The following MYH11 variants were observed in gnomAD, a reference collection of about 807,000 sequenced individuals.
MYH11 encodes the protein myosin-11.
A neutral mutation model predicts 246.6 loss-of-function variants in MYH11; 80 were observed. That is an observed-to-expected ratio of 0.32 (90% CI 0.27 to 0.39). The LOEUF (loss-of-function observed/expected upper bound fraction) is 0.39, where lower values mean the gene tolerates loss of function less well. Ranked by LOEUF, MYH11 falls within the 10% of genes least tolerant of loss-of-function variation. The pLI is 1.00. For synonymous variants in MYH11, 1,071 were observed against 1,015.5 expected, an observed-to-expected ratio of 1.05 and a Z score of -1.04; for missense variants, 2,158 against 2,546.8, an observed-to-expected ratio of 0.85 and a Z score of 3.29.
chr16:15,708,041 C>G (rs971326148), intron 40 of MYH11, among the ~76,000 whole-genome samples: 2 of 151,590 alleles, frequency 1.3e-5, no homozygotes, highest in African/African-American at 4.9e-5. Context: ...TGTGTGCATC[C>G]TTGAGTCTTG....
At chr16:15,832,247 CA>C (rs1467452659) in intron 2 of MYH11, among the ~76,000 whole-genome samples, 1 of 152,112 alleles carries the variant, frequency 6.6e-6, no homozygotes, top group Non-Finnish European at 1.5e-5. Context: ...GTTCATGGTT[CA>C]GGGACTTGGG....
At chr16:15,765,281 A>G (rs1272029905) in intron 9 of MYH11, among the ~76,000 whole-genome samples, 1 of 152,084 alleles carries the variant, frequency 6.6e-6, no homozygotes, top group Admixed American at 6.5e-5. Flanking sequence ...TAGAGGATGG[A>G]TTGATGGATG....
At chr16:15,829,432 GC>G (rs1207626530) in intron 2 of MYH11, among the ~76,000 whole-genome samples, 1 of 152,178 alleles carries the variant, frequency 6.6e-6, no homozygotes, top group African/African-American at 2.4e-5. Context: ...TAAGACTGGT[GC>G]AGGCAGCCGC....
At chr16:15,720,743 AAAG>A in intron 33 of MYH11, 93 bp downstream of exon 33, 2 of 1,296,558 alleles carry the variant, frequency 1.5e-6, no homozygotes, top group Non-Finnish European at 2.1e-6. Context: ...AAAAAAAAAT[AAAG>A]AAAACGAAGT....
At position 15,748,129 on chromosome 16, in the gene MYH11, G is replaced by A. The variant is rs886038932; in HGVS notation, c.2098C>T (p.Arg700Trp). 29 of 1,613,892 alleles carry A rather than the reference G, an allele frequency of 1.8e-5. No homozygotes were observed. The highest frequency in any genetic ancestry group is 2.3e-5 in the Non-Finnish European group (27 of 1,180,020). The change falls in exon 17 of 41, where the codon CGG becomes TGG. Residue 700 changes from arginine to tryptophan, a missense_variant. This residue lies in a region of MYH11 where 317 missense variants were observed against 507.7 expected (regional missense o/e 0.62). Coordinates refer to ENST00000300036, the MANE Select transcript of MYH11 (RefSeq NM_002474.3). ...LDAFLVLEQL[R>W]CNGVLEGIRI... The stretch of plus-strand genomic sequence containing the variant: ...ATGCCTTCCAGCACCCCATTGCACC[G>A]CAGCTGCTCCAGCACCAGGAACGCA...
intron 16 of MYH11, among the ~76,000 whole-genome samples, chr16:15,748,510 C>G (rs531566236): frequency 1.0e-3 from 157 of 152,316 alleles, no homozygotes; most frequent in African/African-American, 3.6e-3. Context: ...CCAACCCCCC[C>G]ACTTCTCTTC....
rs753685135 is a variant in MYH11, at chr16:15,720,993, G to A, written c.4637C>T (p.Thr1546Met). Residue 1546 changes from threonine to methionine, a missense_variant, in exon 33 of 41, where the codon ACG (threonine) becomes ATG (methionine). By Grantham distance (81) the Thr-to-Met change is moderately conservative (BLOSUM62 -1). Around this residue, in one of 11 missense-constraint regions of MYH11, gnomAD observed 1,013 missense variants for 993.5 expected, o/e 1.02. Transcript: ENST00000300036. ...CTCGTCCTCCAGCTCTTCCAGCTGC[G>A]TCTTCATCTCCTCCATCTGGGTCTC... ...ALETQMEEMKTQLEELEDELQ... is the reference protein window; with the variant it reads ...ALETQMEEMKMQLEELEDELQ... 3.3e-5 allele frequency: 54 copies of A among 1,613,886 alleles called. 1 individual carries two copies. Among genetic ancestry groups the A allele is most frequent in the African/African-American group, 2.4e-4 (18 of 74,858 alleles).
intron 4 of MYH11, chr16:15,791,015 G>A (rs1350086230): frequency 7.3e-6 from 1 of 137,600 alleles, no homozygotes; most frequent in Non-Finnish European, 1.5e-5. Flanking sequence ...GGAGTGCAGT[G>A]TGTGATGGCG....
chr16:15,762,268 C>T (rs367785320), intron 10 of MYH11, among the ~76,000 whole-genome samples: 2 of 152,220 alleles, frequency 1.3e-5, no homozygotes, highest in East Asian at 1.9e-4. Flanking sequence ...AGCCACCACG[C>T]CTAGCCTCTT....
chr16:15,848,706 C>T (rs1373269655), intron 1 of MYH11, among the ~76,000 whole-genome samples: 3 of 152,166 alleles, frequency 2.0e-5, no homozygotes, highest in Non-Finnish European at 2.9e-5. Flanking sequence ...CTAGATGTCC[C>T]CTGGGGTGGC....
At chr16:15,718,495 C>T in intron 36 of MYH11, 57 bp from the exon 37 acceptor site, 1 of 1,534,710 alleles carries the variant, frequency 6.5e-7, no homozygotes, top group South Asian at 1.2e-5. Flanking sequence ...TAAAAGATGC[C>T]CCCTCCTTGG....
chr16:15,708,656 C>T, intron 40 of MYH11: 1 of 845,368 alleles, frequency 1.2e-6, no homozygotes, highest in Non-Finnish European at 2.0e-6. Flanking sequence ...GAAAGCTTTG[C>T]ACAAAGATAT....
rs1567184605 is a variant in MYH11, at chr16:15,800,645, G to GGATGGA, written c.503-1959_503-1958insTCCATC. Among the ~76,000 whole-genome samples, 3 of 146,512 alleles carry GGATGGA rather than the reference G, an allele frequency of 2.0e-5. No individual in the cohort carries two copies. In the East Asian group the frequency reaches 6.2e-4, roughly 30 times the overall value. ...GATGGATGGATGGATGGATGGATGGGAATATGAATGGGAGGATGGATGGGA... is the reference window on the plus strand; with the variant it reads ...GATGGATGGATGGATGGATGGATGGGGATGGAAATATGAATGGGAGGATGGATGGGA... On this transcript the variant is annotated intron_variant, in intron 3 of 40. Transcript: ENST00000300036.
At chr16:15,745,966 G>T (rs1051825829) in intron 19 of MYH11, among the ~76,000 whole-genome samples, 4 of 152,088 alleles carry the variant, frequency 2.6e-5, no homozygotes, top group Non-Finnish European at 5.9e-5. Flanking sequence ...GCCCAGGCTG[G>T]AGTGCAGTGG....
intron 8 of MYH11, chr16:15,775,795 T>C (rs936892670): frequency 2.0e-6 from 1 of 490,814 alleles, no homozygotes; most frequent in Non-Finnish European, 3.7e-6. Flanking sequence ...TAGTTGGACT[T>C]GATGCTCTCT....
chr16:15,752,393 C>T (rs532125785), intron 15 of MYH11, among the ~76,000 whole-genome samples: 1 of 151,990 alleles, frequency 6.6e-6, no homozygotes, highest in South Asian at 2.1e-4. Flanking sequence ...ACAGCAAACC[C>T]CCTCCCCTCA....
chr16:15,786,168 A>C, intron 5 of MYH11: 1 of 337,228 alleles, frequency 3.0e-6, no homozygotes. Flanking sequence ...CAACTGTCCC[A>C]CCCCAGGGAA....
At chr16:15,801,504 T>A (rs914169542) in intron 3 of MYH11, among the ~76,000 whole-genome samples, 1 of 151,130 alleles carries the variant, frequency 6.6e-6, no homozygotes, top group Admixed American at 6.6e-5. Context: ...AAAAAAAATT[T>A]TTTTTTAATT....
At chr16:15,828,719 G>C (rs940604308) in intron 2 of MYH11, among the ~76,000 whole-genome samples, 5 of 151,444 alleles carry the variant, frequency 3.3e-5, no homozygotes, top group Non-Finnish European at 5.9e-5. Context: ...CTTGAACCCA[G>C]GAGGTGGAGG....
Sources: gnomAD v4.1 joint callset for allele counts (sites outside exome capture counted in the v4.1 genomes callset) on GRCh38, gnomAD v4.1.1 for gene constraint, gnomAD v4.1.1 regional missense constraint, MANE v1.5 for transcripts, NCBI Gene and HGNC (gene_info 2026-07-23, HGNC 2026-07-21) for gene names.